The following KIF26B variants were observed in gnomAD, a reference collection of about 807,000 sequenced individuals.
KIF26B encodes the protein kinesin-like protein KIF26B.
A neutral mutation model predicts 151.2 loss-of-function variants in KIF26B; 63 were observed. The ratio of observed to expected loss-of-function variants is 0.42; its 90% CI spans 0.34 to 0.51. The LOEUF is 0.51. Among genes scored for constraint, KIF26B ranks in the 20% least tolerant of loss-of-function variants. The pLI is 0.07. For synonymous variants in KIF26B, 1,357 were observed against 1,262.1 expected, an observed-to-expected ratio of 1.08 and a Z score of -1.59; for missense variants, 2,813 against 2,913.6, an observed-to-expected ratio of 0.97 and a Z score of 0.79.
intron 9 of KIF26B, among the ~76,000 whole-genome samples, chr1:245,621,723 T>C (rs1384633644): frequency 1.3e-5 from 2 of 152,236 alleles, no homozygotes; most frequent in South Asian, 2.1e-4. Flanking sequence ...CCGGAAGTGA[T>C]GGAAATTCTT....
intron 4 of KIF26B, among the ~76,000 whole-genome samples, chr1:245,481,447 C>A (rs955935818): frequency 6.6e-6 from 1 of 151,858 alleles, no homozygotes; most frequent in Non-Finnish European, 1.5e-5. Context: ...TTGAACTGCT[C>A]CCCTGGGGAA....
chr1:245,220,995 C>A (rs1035212227), intron 2 of KIF26B, among the ~76,000 whole-genome samples: 15 of 152,152 alleles, frequency 9.9e-5, no homozygotes, highest in African/African-American at 3.6e-4. Flanking sequence ...CAAACAGTGA[C>A]CCAGGACAGC....
rs182942242 is a variant in KIF26B, at chr1:245,647,797, A to C, written c.2258+1517A>C. 4.6e-3 allele frequency among the ~76,000 whole-genome samples: 705 copies of C among 152,316 alleles called. 8 individuals carry two copies. The highest frequency in any genetic ancestry group is 5.3e-3 in the Non-Finnish European group (361 of 68,020). ...TGTGAGTTTATTTCCTACCAGGAGA[A>C]CCATTACTGGACTGACTTTAGGAGC... On this transcript the variant is annotated intron_variant, in intron 10 of 14. Coordinates refer to ENST00000407071, the MANE Select transcript of KIF26B (RefSeq NM_018012.4).
At chr1:245,631,807 G>C (rs2043784016) in intron 9 of KIF26B, among the ~76,000 whole-genome samples, 1 of 152,022 alleles carries the variant, frequency 6.6e-6, no homozygotes, top group Non-Finnish European at 1.5e-5. Flanking sequence ...AATCTTGTAA[G>C]GCTGTATGTG....
intron 2 of KIF26B, among the ~76,000 whole-genome samples, chr1:245,229,976 T>C (rs953435116): frequency 5.9e-5 from 9 of 151,382 alleles, no homozygotes; most frequent in African/African-American, 2.2e-4. Context: ...CTACAAAAAA[T>C]AGAAAAATTA....
intron 4 of KIF26B, among the ~76,000 whole-genome samples, chr1:245,465,958 G>C (rs1659780512): frequency 6.6e-6 from 1 of 152,218 alleles, no homozygotes; most frequent in African/African-American, 2.4e-5. Flanking sequence ...GCATCCGTCT[G>C]CCTCCTGGCG....
Position 245,155,249 on chromosome 1 carries a change from G to A in KIF26B, c.-176G>A, listed in dbSNP as rs942549230. 4 of 642,490 alleles carry A rather than the reference G, an allele frequency of 6.2e-6. No homozygotes were observed. Among genetic ancestry groups the A allele is most frequent in the Non-Finnish European group, 1.1e-5 (4 of 362,582 alleles). 39.8% of individuals were successfully genotyped at this position (642,490 alleles called of 1,614,324 possible). On this transcript the variant is annotated 5_prime_UTR_variant, in exon 1 of 15. The change creates a new upstream start codon in the 5' untranslated region. Coordinates refer to ENST00000407071, the MANE Select transcript of KIF26B (RefSeq NM_018012.4). ...CGACCCCAACCCTTTCTGCAAATTG[G>A]TGCTATTACTTGTGGGATCCATTTG...
chr1:245,158,857 T>C (rs1324575940), intron 2 of KIF26B, among the ~76,000 whole-genome samples: 1 of 41,474 alleles, frequency 2.4e-5, no homozygotes, highest in African/African-American at 6.0e-5. Context: ...TGTGTGTGTG[T>C]GTGTGTGTGT....
At chr1:245,588,491 C>T (rs2043251561) in intron 5 of KIF26B, among the ~76,000 whole-genome samples, 1 of 152,120 alleles carries the variant, frequency 6.6e-6, no homozygotes, top group South Asian at 2.1e-4. Context: ...TCCAGCTGGG[C>T]TTCACTGGGC....
chr1:245,657,912 C>T (rs2044091737), intron 10 of KIF26B, among the ~76,000 whole-genome samples: 1 of 152,294 alleles, frequency 6.6e-6, no homozygotes, highest in Admixed American at 6.5e-5. Context: ...TCTGTGTGCC[C>T]ACCACCCAGG....
At chr1:245,610,368 G>C (rs973762823) in intron 8 of KIF26B, among the ~76,000 whole-genome samples, 2 of 152,140 alleles carry the variant, frequency 1.3e-5, no homozygotes, top group Non-Finnish European at 1.5e-5. Context: ...GTCTGCATCT[G>C]TCACCTCGAG....
In KIF26B at chr1:245,685,544, A is replaced by G. The variant is rs1467009619; in HGVS notation, c.2561A>G (p.Tyr854Cys). ...GCTCACCTGTCCAGCGACCCCGACT[A>G]CTCCTCCAGCAGCGAGCAGTCCTGC... ...PIAHLSSDPDYSSSSEQSCDT... is the reference protein window; with the variant it reads ...PIAHLSSDPDCSSSSEQSCDT... Residue 854 changes from tyrosine to cysteine, a missense_variant, in exon 12 of 15, where the codon TAC becomes TGC. Transcript: ENST00000407071. 1.2e-6 allele frequency: 2 copies of G among 1,612,986 alleles called. No homozygotes were observed. The highest frequency in any genetic ancestry group is 8.5e-7 in the Non-Finnish European group (1 of 1,179,734).
chr1:245,302,827 A>G (rs1433678559), intron 2 of KIF26B, among the ~76,000 whole-genome samples: 2 of 151,876 alleles, frequency 1.3e-5, no homozygotes, highest in African/African-American at 4.8e-5. Context: ...TGTCTCTACT[A>G]AAAATACGAA....
intron 6 of KIF26B, among the ~76,000 whole-genome samples, chr1:245,605,113 C>T (rs774347085): frequency 6.6e-6 from 1 of 152,206 alleles, no homozygotes; most frequent in Non-Finnish European, 1.5e-5. Flanking sequence ...CCTCTCTGGA[C>T]CTCAGTGTCC....
At chr1:245,281,931 T>C (rs1019655578) in intron 2 of KIF26B, among the ~76,000 whole-genome samples, 5 of 151,934 alleles carry the variant, frequency 3.3e-5, no homozygotes, top group African/African-American at 1.2e-4. Context: ...GCGGTGTTAT[T>C]TCTGAGGGCT....
chr1:245,395,276 G>A (rs1327770202), intron 3 of KIF26B, among the ~76,000 whole-genome samples: 1 of 152,188 alleles, frequency 6.6e-6, no homozygotes, highest in Non-Finnish European at 1.5e-5. Flanking sequence ...TATTACTTAG[G>A]AGTAGGTTGG....
At chr1:245,270,246 T>C (rs796872651) in intron 2 of KIF26B, among the ~76,000 whole-genome samples, 2 of 106,908 alleles carry the variant, frequency 1.9e-5, no homozygotes, top group Admixed American at 9.1e-5. Context: ...TTTCCTTTCT[T>C]CTTCCCTTCC....
chr1:245,285,937 T>G (rs917295441), intron 2 of KIF26B, among the ~76,000 whole-genome samples: 2 of 147,134 alleles, frequency 1.4e-5, no homozygotes, highest in African/African-American at 5.0e-5. Context: ...ATTTCAAGGC[T>G]GCAGTGAGCT....
At chr1:245,616,064 C>T (rs1252736550) in intron 9 of KIF26B, among the ~76,000 whole-genome samples, 1 of 152,226 alleles carries the variant, frequency 6.6e-6, no homozygotes, top group Admixed American at 6.5e-5. Flanking sequence ...ATCTCATATG[C>T]ACACATGCAT....
Sources: gnomAD v4.1 joint callset for allele counts (sites outside exome capture counted in the v4.1 genomes callset) on GRCh38, gnomAD v4.1.1 for gene constraint, MANE v1.5 for transcripts, NCBI Gene and HGNC (gene_info 2026-07-23, HGNC 2026-07-21) for gene names.